RAI14: variants seen among roughly 807,000 people sequenced by gnomAD.
RAI14 encodes ankycorbin.
RAI14 carries 45 observed loss-of-function variants against 115.4 expected under a neutral mutation model. The ratio of observed to expected loss-of-function variants is 0.39; its 90% CI spans 0.31 to 0.50. The LOEUF (loss-of-function observed/expected upper bound fraction) is 0.50, where lower values mean the gene tolerates loss of function less well. RAI14 is among the 20% of genes least tolerant of loss of function. The pLI, the probability that RAI14 is intolerant of heterozygous loss-of-function variation, is 0.85. For synonymous variants in RAI14, 371 were observed against 415.4 expected, an observed-to-expected ratio of 0.89 and a Z score of 1.30; for missense variants, 939 against 1,131.2, an observed-to-expected ratio of 0.83 and a Z score of 2.44.
At chr5:34,802,872 A>G (rs528558591) in intron 4 of RAI14, among the ~76,000 whole-genome samples, 1 of 152,338 alleles carries the variant, frequency 6.6e-6, no homozygotes, top group South Asian at 2.1e-4. Context: ...TCCCTTCTGT[A>G]TAAGAACTTT....
chr5:34,810,809 C>T (rs1755492778), intron 7 of RAI14, among the ~76,000 whole-genome samples: 1 of 152,034 alleles, frequency 6.6e-6, no homozygotes. Context: ...TAAAAGCTAG[C>T]ATTCAGTAAA....
chr5:34,733,140 G>A, intron 2 of RAI14: 1 of 152,270 alleles, frequency 6.6e-6, no homozygotes, highest in Non-Finnish European at 1.5e-5. Context: ...AGGAATATCA[G>A]AGCAAGATTC....
intron 3 of RAI14, among the ~76,000 whole-genome samples, chr5:34,770,582 A>G (rs1299786714): frequency 1.3e-5 from 2 of 152,254 alleles, no homozygotes; most frequent in African/African-American, 4.8e-5. Flanking sequence ...CCCTCTCAGC[A>G]GATTCCTGAA....
chr5:34,669,003 T>C (rs1743426885), intron 1 of RAI14, among the ~76,000 whole-genome samples: 4 of 152,158 alleles, frequency 2.6e-5, no homozygotes, highest in Admixed American at 6.6e-5. Flanking sequence ...ACTACAGGCG[T>C]GTGCCACCAC....
intron 1 of RAI14, among the ~76,000 whole-genome samples, chr5:34,664,448 C>T (rs1358017739): frequency 1.0e-4 from 15 of 148,174 alleles, no homozygotes; most frequent in Admixed American, 1.0e-3. Flanking sequence ...AAAAAATTGA[C>T]ATTTAGTGAA....
At chr5:34,717,499 G>A (rs780723553) in intron 2 of RAI14, among the ~76,000 whole-genome samples, 1 of 152,088 alleles carries the variant, frequency 6.6e-6, no homozygotes, top group Non-Finnish European at 1.5e-5. Context: ...CATTTTGGGC[G>A]GGGGGGAATC....
At chr5:34,816,045 A>G (rs1463185357) in intron 12 of RAI14, among the ~76,000 whole-genome samples, 1 of 152,212 alleles carries the variant, frequency 6.6e-6, no homozygotes, top group Non-Finnish European at 1.5e-5. Context: ...TATTTCAGGA[A>G]CTTCTCTATT....
At chr5:34,674,338 G>A (rs921268437) in intron 1 of RAI14, among the ~76,000 whole-genome samples, 2 of 152,124 alleles carry the variant, frequency 1.3e-5, no homozygotes, top group African/African-American at 4.8e-5. Context: ...ACACCACTGC[G>A]ATCATTGTAA....
At chr5:34,712,367 G>C (rs530748757) in intron 2 of RAI14, among the ~76,000 whole-genome samples, 1 of 152,224 alleles carries the variant, frequency 6.6e-6, no homozygotes, top group Admixed American at 6.5e-5. Flanking sequence ...AAGATGATTG[G>C]AACAAGTCTC....
intron 3 of RAI14, among the ~76,000 whole-genome samples, chr5:34,771,807 CT>C (rs1453524385): frequency 6.6e-6 from 1 of 152,138 alleles, no homozygotes; most frequent in Non-Finnish European, 1.5e-5. Context: ...ACACTGTTTG[CT>C]TTTTTGCCAA....
intron 3 of RAI14, among the ~76,000 whole-genome samples, chr5:34,790,767 C>CATATAT (rs4001958): frequency 6.9e-5 from 10 of 144,884 alleles, no homozygotes; most frequent in African/African-American, 2.5e-4. Context: ...TGTATATATA[C>CATATAT]ATATATATAT....
intron 1 of RAI14, among the ~76,000 whole-genome samples, chr5:34,669,600 C>T (rs1458381964): frequency 1.3e-5 from 2 of 152,188 alleles, no homozygotes; most frequent in African/African-American, 4.8e-5. Flanking sequence ...GCTTCCCGAA[C>T]AGTAGCACTG....
At chr5:34,748,098 G>A (rs886256214) in intron 2 of RAI14, among the ~76,000 whole-genome samples, 8 of 152,128 alleles carry the variant, frequency 5.3e-5, no homozygotes, top group African/African-American at 1.9e-4. Context: ...GGACCAGCCT[G>A]TTTCTGGATG....
In RAI14 at chr5:34,796,046, C is replaced by CT; in HGVS notation, c.256+21dup. 6.4e-7 allele frequency: 1 copy of CT among 1,572,970 alleles called. No individual in the cohort carries two copies. Among genetic ancestry groups the CT allele is most frequent in the African/African-American group, 1.3e-5 (1 of 74,128 alleles). ...ACTACCGGTATGTGGTTTTTAGTCT[C>CT]TTAAGTCAGCAGGCCAGCACCAGAT... On this transcript the variant is annotated intron_variant, in intron 4 of 17. Coordinates refer to ENST00000265109, the MANE Select transcript of RAI14 (RefSeq NM_015577.3).
At chr5:34,750,641 T>G (rs1037769942) in intron 2 of RAI14, among the ~76,000 whole-genome samples, 3 of 152,102 alleles carry the variant, frequency 2.0e-5, no homozygotes, top group South Asian at 2.1e-4. Flanking sequence ...ATAAAAGAAA[T>G]AAATCACATA....
intron 3 of RAI14, among the ~76,000 whole-genome samples, chr5:34,774,984 T>G (rs1750657570): frequency 6.6e-6 from 1 of 152,092 alleles, no homozygotes; most frequent in African/African-American, 2.4e-5. Flanking sequence ...GTAAACTCAT[T>G]TTTGACAAAG....
intron 3 of RAI14, among the ~76,000 whole-genome samples, chr5:34,774,086 C>T (rs1750530344): frequency 6.6e-6 from 1 of 152,122 alleles, no homozygotes; most frequent in African/African-American, 2.4e-5. Context: ...GGCGCAGTGG[C>T]CCACATCTGT....
chr5:34,694,068 A>G (rs1236815918), intron 2 of RAI14, among the ~76,000 whole-genome samples: 1 of 152,264 alleles, frequency 6.6e-6, no homozygotes, highest in African/African-American at 2.4e-5. Flanking sequence ...ACCCCAGACC[A>G]TAATTCTCAG....
chr5:34,748,211 G>A (rs375385641), intron 2 of RAI14, among the ~76,000 whole-genome samples: 11 of 152,298 alleles, frequency 7.2e-5, no homozygotes, highest in African/African-American at 2.4e-4. Flanking sequence ...GATGGATTTC[G>A]GGGTGAATAG....
Sources: gnomAD v4.1 joint callset for allele counts (sites outside exome capture counted in the v4.1 genomes callset) on GRCh38, gnomAD v4.1.1 for gene constraint, MANE v1.5 for transcripts, NCBI Gene and HGNC (gene_info 2026-07-23, HGNC 2026-07-21) for gene names.